The following ADGRG7 variants were observed in gnomAD, a reference collection of about 807,000 sequenced individuals.
The protein encoded by ADGRG7 is G-protein coupled receptor 128.
In ADGRG7, 82 loss-of-function variants were observed where a neutral mutation model predicts 88.6. That is an observed-to-expected ratio of 0.93 (90% CI 0.77 to 1.11). The LOEUF is 1.11. Among genes scored for constraint, ADGRG7 ranks in the 50% most tolerant of loss-of-function variants. The pLI, the probability that ADGRG7 is intolerant of heterozygous loss-of-function variation, is 0.00. For synonymous variants in ADGRG7, 381 were observed against 345.2 expected, an observed-to-expected ratio of 1.10 and a Z score of -1.15; for missense variants, 945 against 953.4, an observed-to-expected ratio of 0.99 and a Z score of 0.12.
intron 11 of ADGRG7, chr3:100,654,311 T>G (rs1164669091): frequency 6.6e-6 from 1 of 152,278 alleles, no homozygotes; most frequent in African/African-American, 2.4e-5. Flanking sequence ...TATGATTGCA[T>G]AGGTACAAAG....
In ADGRG7 at chr3:100,609,615, C is replaced by T; in HGVS notation, c.-242C>T. On this transcript the variant is annotated 5_prime_UTR_variant, in exon 1 of 16. Transcript: ENST00000273352. ...TAACTCTAATCACTTTTTTCATGTT[C>T]TCCTTGAGTGAAGGATGAGGAAATT... The T allele has an allele frequency of 2.6e-6, 1 of 380,458 alleles. No individual in the cohort carries two copies. The allele number at this position is 380,458 out of a possible 1,614,324, so 23.6% of individuals were successfully genotyped here.
At chr3:100,658,101 G>A (rs1304152295) in intron 13 of ADGRG7, among the ~76,000 whole-genome samples, 1 of 151,974 alleles carries the variant, frequency 6.6e-6, no homozygotes, top group Non-Finnish European at 1.5e-5. Context: ...TCCCAAACCT[G>A]CTCATCTCAT....
chr3:100,644,335 C>T lies in ADGRG7; in HGVS notation c.946+702C>T, dbSNP rs138495413. ...GAGAGTATTATTCGTGAATCTGGCA[C>T]TCTGGAATTTTGCTCTCATTTGCTT... On this transcript the variant is annotated intron_variant, in intron 8 of 15. Coordinates refer to ENST00000273352, the MANE Select transcript of ADGRG7 (RefSeq NM_032787.3). Among the ~76,000 whole-genome samples the T allele has an allele frequency of 7.6e-4, 115 of 152,256 alleles. 3 individuals are homozygous for T. In the East Asian group the frequency reaches 0.021, roughly 28 times the overall value.
chr3:100,646,037 A>C lies in ADGRG7; in HGVS notation c.1039A>C (p.Ile347Leu). ...AGCTAAATCGGATTTTAGTCAAAAA[A>C]TTATCTCAAGCAAAACTGATGAAAA... ...FTAKSDFSQK[I>L]ISSKTDENEQ... is the part of the protein sequence containing the mutation. Residue 347 changes from isoleucine (I) to leucine (L), a missense_variant, in exon 9 of 16, where the codon ATT becomes CTT. Physicochemically the swap from Ile to Leu is conservative, Grantham distance 5. Transcript: ENST00000273352. 1 of 1,614,108 alleles carries C rather than the reference A, an allele frequency of 6.2e-7. No individual in the cohort carries two copies. Among genetic ancestry groups the C allele is most frequent in the African/African-American group, 1.3e-5 (1 of 75,050 alleles).
intron 15 of ADGRG7, among the ~76,000 whole-genome samples, chr3:100,685,789 G>C (rs1465379455): frequency 1.3e-5 from 2 of 152,140 alleles, no homozygotes; most frequent in East Asian, 1.9e-4. Context: ...GGACATTTGG[G>C]TTGGTTCCAA....
chr3:100,676,497 A>G (rs1464950874), intron 15 of ADGRG7, among the ~76,000 whole-genome samples: 1 of 152,012 alleles, frequency 6.6e-6, no homozygotes, highest in East Asian at 1.9e-4. Context: ...TGGATTTTTA[A>G]AGATTTGTTT....
At chr3:100,689,471 G>A (rs966807981) in intron 15 of ADGRG7, among the ~76,000 whole-genome samples, 9 of 152,132 alleles carry the variant, frequency 5.9e-5, no homozygotes, top group South Asian at 2.1e-4. Flanking sequence ...TCCTAGCCTC[G>A]ATGGTCTTTA....
At chr3:100,643,152 G>T in intron 6 of ADGRG7, 114 bp from the exon 7 acceptor site, 1 of 942,898 alleles carries the variant, frequency 1.1e-6, no homozygotes, top group Non-Finnish European at 1.6e-6. Context: ...TGTCAATGTT[G>T]TCATGACCAC....
chr3:100,667,920 G>A (rs2094953862), intron 14 of ADGRG7, among the ~76,000 whole-genome samples: 1 of 152,236 alleles, frequency 6.6e-6, no homozygotes, highest in Non-Finnish European at 1.5e-5. Flanking sequence ...GCGCTGGTGA[G>A]GCAGGCACCA....
intron 6 of ADGRG7, 97 bp downstream of exon 6, chr3:100,637,499 A>C (rs1178980118): frequency 2.6e-5 from 21 of 804,710 alleles, no homozygotes; most frequent in Non-Finnish European, 4.1e-5. Context: ...TCTCTCATGG[A>C]TGCAGTAACT....
In ADGRG7 at chr3:100,649,686, G is replaced by A; in HGVS notation, c.1267-9G>A. The A allele has an allele frequency of 6.7e-7, 1 of 1,491,746 alleles. No individual in the cohort carries two copies. The highest frequency in any genetic ancestry group is 9.3e-7 in the Non-Finnish European group (1 of 1,070,660). The allele number at this position is 1,491,746 out of a possible 1,614,324, so 92.4% of individuals were successfully genotyped here. ...TAATTAAAAATATGAGTCTTACCTT[G>A]TTTTTCAGACTTTCAAAAAGGATTA... On this transcript the variant is annotated splice_polypyrimidine_tract_variant and intron_variant, in intron 10 of 15. Transcript: ENST00000273352.
intron 15 of ADGRG7, among the ~76,000 whole-genome samples, chr3:100,673,546 C>G (rs1283326699): frequency 6.6e-6 from 1 of 151,304 alleles, no homozygotes; most frequent in Non-Finnish European, 1.5e-5. Flanking sequence ...ACTGCAACCT[C>G]TGCCTCCTGG....
intron 15 of ADGRG7, among the ~76,000 whole-genome samples, chr3:100,672,037 G>A (rs9990129): frequency 0.033 from 5,002 of 152,150 alleles, 275 homozygotes; most frequent in African/African-American, 0.11. Flanking sequence ...TTGGCTATGT[G>A]GGCTCTTTTT....
chr3:100,617,458 G>C (rs1707241678), intron 1 of ADGRG7, among the ~76,000 whole-genome samples: 2 of 149,764 alleles, frequency 1.3e-5, no homozygotes, highest in South Asian at 4.2e-4. Flanking sequence ...CTATGAGTGA[G>C]AACATGCGGT....
chr3:100,669,201 T>A (rs2094955300), intron 15 of ADGRG7, 96 bp downstream of exon 15: 17 of 1,080,678 alleles, frequency 1.6e-5, no homozygotes, highest in Non-Finnish European at 2.1e-5. Flanking sequence ...TTTAAAAAAA[T>A]CTAGGCCAGG....
intron 1 of ADGRG7, 142 bp downstream of exon 1, chr3:100,610,113 C>G: frequency 1.6e-6 from 1 of 620,276 alleles, no homozygotes; most frequent in Non-Finnish European, 2.9e-6. Context: ...ATATAAAAGA[C>G]CAAGTCAGTT....
rs140724130 is a variant in ADGRG7, at chr3:100,644,074, C to A, written c.946+441C>A. Among the ~76,000 whole-genome samples, 286 of 152,252 alleles carry A rather than the reference C, an allele frequency of 1.9e-3. 2 individuals are homozygous for A. Among genetic ancestry groups the A allele is most frequent in the Non-Finnish European group, 2.2e-3 (147 of 68,014 alleles). On this transcript the variant is annotated intron_variant, in intron 8 of 15. Coordinates refer to ENST00000273352, the MANE Select transcript of ADGRG7 (RefSeq NM_032787.3). ...TGGCACAGACATCATTTAGTAGTAT[C>A]AATTTTAGGTTATCTCCTCTCTGTG...
intron 9 of ADGRG7, 117 bp downstream of exon 9, chr3:100,646,225 A>AGG: frequency 2.5e-4 from 31 of 123,508 alleles, no homozygotes; most frequent in South Asian, 3.5e-4. Context: ...GGCGGGGGGG[A>AGG]GGGTTTTCCA....
intron 3 of ADGRG7, among the ~76,000 whole-genome samples, chr3:100,631,204 A>G (rs1331679435): frequency 6.6e-6 from 1 of 152,144 alleles, no homozygotes; most frequent in Non-Finnish European, 1.5e-5. Context: ...GTAGAGATGC[A>G]TGGTTAAGTC....
Sources: gnomAD v4.1 joint callset for allele counts (sites outside exome capture counted in the v4.1 genomes callset) on GRCh38, gnomAD v4.1.1 for gene constraint, MANE v1.5 for transcripts, NCBI Gene and HGNC (gene_info 2026-07-23, HGNC 2026-07-21) for gene names.